ZWILCH: variants seen among roughly 807,000 people sequenced by gnomAD.
The protein encoded by ZWILCH is zwilch kinetochore protein.
ZWILCH carries 74 observed loss-of-function variants against 79.9 expected under a neutral mutation model. The observed-to-expected ratio is 0.93, with a 90% confidence interval of 0.77 to 1.12. The LOEUF (loss-of-function observed/expected upper bound fraction) is 1.12, where lower values mean the gene tolerates loss of function less well. Ranked by LOEUF, ZWILCH falls within the 50% of genes most tolerant of loss-of-function variation. The probability of loss-of-function intolerance (pLI) is 0.00; values close to 1 mark genes in which losing one functional copy is unlikely to be tolerated. For missense variants in ZWILCH, 694 were observed against 687.5 expected, an observed-to-expected ratio of 1.01 and a Z score of -0.11; for synonymous variants, 241 against 228.2, an observed-to-expected ratio of 1.06 and a Z score of -0.51.
At chr15:66,509,870 T>TAGATATATAG (rs1491513134) in intron 2 of ZWILCH, among the ~76,000 whole-genome samples, 1 of 100,600 alleles carries the variant, frequency 9.9e-6, no homozygotes, top group Non-Finnish European at 2.0e-5. Flanking sequence ...TATATATATA[T>TAGATATATAG]CTCTTAAAAA....
intron 7 of ZWILCH, among the ~76,000 whole-genome samples, chr15:66,522,530 G>A (rs1163315630): frequency 6.6e-6 from 1 of 151,712 alleles, no homozygotes; most frequent in African/African-American, 2.4e-5. Flanking sequence ...AGTAGAGACG[G>A]GTTTTCACCA....
intron 5 of ZWILCH, 139 bp downstream of exon 5, chr15:66,519,217 C>T (rs1223202119): frequency 1.3e-6 from 1 of 773,212 alleles, no homozygotes; most frequent in Non-Finnish European, 2.1e-6. Context: ...TAAATCTACT[C>T]TGGTGTGTAA....
In ZWILCH at chr15:66,506,269, A is replaced by T. The variant is rs149751418; in HGVS notation, c.53+878A>T. On this transcript the variant is annotated intron_variant, in intron 1 of 18. Coordinates refer to ENST00000307897, the MANE Select transcript of ZWILCH (RefSeq NM_017975.5). Reference sequence around the variant, plus strand: ...TTGAATAGAAAGAGCACTAGCTTTTAAAAAAAACTGGCATGTCTTGGACAT... The same window carrying T: ...TTGAATAGAAAGAGCACTAGCTTTTTAAAAAAACTGGCATGTCTTGGACAT... Among the ~76,000 whole-genome samples the T allele has an allele frequency of 2.7e-5, 4 of 148,512 alleles. No homozygotes were observed. The East Asian group carries it at 5.8e-4, about 21-fold the overall frequency.
chr15:66,532,129 G>A, intron 12 of ZWILCH, 118 bp from the exon 13 acceptor site: 1 of 724,208 alleles, frequency 1.4e-6, no homozygotes, highest in Non-Finnish European at 2.1e-6. Context: ...AGTGTTAGGA[G>A]ACTAGGAATG....
At position 66,515,582 on chromosome 15, in the gene ZWILCH, C is replaced by T. The variant is rs749378375; in HGVS notation, c.258C>T (p.Ala86=). The change falls in exon 4 of 19, where the codon GCC becomes GCT. Residue 86 remains alanine, a synonymous_variant. Transcript: ENST00000307897. ...AAGAACTTCAATCTGAAGAAACTGCCATATCTGATTTCTCTACTGGCGAAA... is the reference window on the plus strand; with the variant it reads ...AAGAACTTCAATCTGAAGAAACTGCTATATCTGATTTCTCTACTGGCGAAA... The part of the protein sequence containing the change: ...HIEELQSEET[A]ISDFSTGENV... 1.2e-6 allele frequency: 2 copies of T among 1,613,204 alleles called. No homozygotes were observed. The highest frequency in any genetic ancestry group is 1.1e-5 in the South Asian group (1 of 90,714).
At chr15:66,526,774 T>C (rs1894690283) in intron 8 of ZWILCH, among the ~76,000 whole-genome samples, 1 of 152,204 alleles carries the variant, frequency 6.6e-6, no homozygotes, top group Admixed American at 6.6e-5. Flanking sequence ...TGACTGCTTT[T>C]TCTTAAGTCC....
At chr15:66,520,047 G>C (rs1489508485) in intron 5 of ZWILCH, among the ~76,000 whole-genome samples, 3 of 150,146 alleles carry the variant, frequency 2.0e-5, no homozygotes, top group Non-Finnish European at 1.5e-5. Flanking sequence ...GCCTGAAGCA[G>C]TCCTCCCACC....
At chr15:66,544,172 G>T (rs964444641) in intron 17 of ZWILCH, among the ~76,000 whole-genome samples, 1 of 151,484 alleles carries the variant, frequency 6.6e-6, no homozygotes, top group Admixed American at 6.6e-5. Context: ...CAGGAGAATT[G>T]CTTGAACCTG....
chr15:66,517,455 T>TATATATATATAGAGAG (rs1180456312), intron 4 of ZWILCH, among the ~76,000 whole-genome samples: 3 of 115,204 alleles, frequency 2.6e-5, no homozygotes, highest in South Asian at 5.9e-4. Flanking sequence ...TATATATATA[T>TATATATATATAGAGAG]AGTAATGTAC....
chr15:66,506,733 C>T (rs576652332), intron 1 of ZWILCH, among the ~76,000 whole-genome samples: 42 of 152,240 alleles, frequency 2.8e-4, no homozygotes, highest in African/African-American at 1.0e-3. Context: ...CCTAGCTACT[C>T]TGGAGGCTGA....
intron 12 of ZWILCH, among the ~76,000 whole-genome samples, chr15:66,530,840 G>T (rs1894831415): frequency 6.6e-6 from 1 of 152,184 alleles, no homozygotes; most frequent in Non-Finnish European, 1.5e-5. Context: ...ACATTCCAGA[G>T]TAAAGGCATG....
intron 8 of ZWILCH, among the ~76,000 whole-genome samples, chr15:66,524,147 C>G (rs537952192): frequency 4.0e-4 from 61 of 152,124 alleles, no homozygotes; most frequent in Non-Finnish European, 7.9e-4. Context: ...TTTCACATGT[C>G]TTGGGTGGAG....
At chr15:66,505,778 A>T in intron 1 of ZWILCH, 1 of 258,636 alleles carries the variant, frequency 3.9e-6, no homozygotes, top group South Asian at 4.4e-5. Context: ...TTAGTCTGTT[A>T]ATCTCTATTA....
intron 17 of ZWILCH, among the ~76,000 whole-genome samples, chr15:66,544,721 TTTTTGTG>T (rs1895304412): frequency 8.4e-6 from 1 of 119,106 alleles, no homozygotes; most frequent in Non-Finnish European, 1.8e-5. Context: ...GTTTTTTTGG[TTTTTGTG>T]TGTGTGTGTG....
intron 17 of ZWILCH, 107 bp downstream of exon 17, chr15:66,540,317 C>T (rs892775686): frequency 1.9e-5 from 15 of 803,826 alleles, no homozygotes; most frequent in South Asian, 1.2e-4. Flanking sequence ...TTTGGGAGGC[C>T]GGGGTGGGCA....
chr15:66,546,227 A>G (rs1167159855), intron 17 of ZWILCH, among the ~76,000 whole-genome samples: 1 of 152,224 alleles, frequency 6.6e-6, no homozygotes, highest in Non-Finnish European at 1.5e-5. Flanking sequence ...TAGCCCTAAG[A>G]CTACAAATCT....
In ZWILCH at chr15:66,528,952, G is replaced by T. The variant is rs750469731; in HGVS notation, c.1070G>T (p.Ser357Ile). The T allele has an allele frequency of 5.6e-6, 9 of 1,611,662 alleles. No homozygotes were observed. The highest frequency in any genetic ancestry group is 1.7e-4 in the Middle Eastern group (1 of 6,058). Residue 357 changes from serine (S) to isoleucine (I), a missense_variant, in exon 11 of 19, where the codon AGC (serine) becomes ATC (isoleucine). By Grantham distance (142) the Ser-to-Ile change is moderately radical. Coordinates refer to ENST00000307897, the MANE Select transcript of ZWILCH (RefSeq NM_017975.5). The stretch of plus-strand genomic sequence containing the variant: ...GCTGAGCAACTGTGGTGCAAAATGA[G>T]CAGTAGTAGGTGTCCATCATGATTT... ...DFAEQLWCKM[S>I]SSVISYQDLV... is the part of the protein sequence containing the mutation.
intron 17 of ZWILCH, among the ~76,000 whole-genome samples, chr15:66,543,402 C>T (rs1417396703): frequency 2.0e-5 from 3 of 152,142 alleles, no homozygotes; most frequent in African/African-American, 7.2e-5. Context: ...ATGGTGATTG[C>T]AGAGATGATT....
intron 3 of ZWILCH, chr15:66,514,572 GTGCTGGGAT>G (rs1171564369): frequency 2.6e-5 from 4 of 153,606 alleles, no homozygotes; most frequent in Admixed American, 2.6e-4. Context: ...GCCTCCCAAA[GTGCTGGGAT>G]TACAGGGGTG....
Sources: allele counts gnomAD v4.1 joint callset (sites outside exome capture counted in the v4.1 genomes callset), GRCh38; gene constraint gnomAD v4.1.1; transcripts MANE v1.5; gene names NCBI Gene and HGNC (gene_info 2026-07-23, HGNC 2026-07-21).